The following EPS15L1 variants were observed in gnomAD, a reference collection of about 807,000 sequenced individuals.
EPS15L1 encodes the protein epidermal growth factor receptor substrate 15-like 1.
A neutral mutation model predicts 117.1 loss-of-function variants in EPS15L1; 43 were observed. The observed-to-expected ratio is 0.37, with a 90% CI of 0.29 to 0.47. The LOEUF is 0.47. Among genes scored for constraint, EPS15L1 ranks in the 20% least tolerant of loss-of-function variants. The pLI, the probability that EPS15L1 is intolerant of heterozygous loss-of-function variation, is 0.99. For missense variants in EPS15L1, 981 were observed against 1,164.0 expected (o/e 0.84, Z 2.29); for synonymous variants, 459 against 470.5 (o/e 0.98, Z 0.32).
Position 16,428,708 on chromosome 19 carries a change from G to T in EPS15L1, c.552C>A (p.Phe184Leu). ...AGGAAACAGCAGGACTTACCACAGCGAACTCATCTCGATCCAAGTGCCCAT... is the reference window on the plus strand; with the variant it reads ...AGGAAACAGCAGGACTTACCACAGCTAACTCATCTCGATCCAAGTGCCCAT... ...DKDGHLDRDE[F>L]AVAMHLVYRA... The change falls in exon 8 of 24, where the codon TTC becomes TTA. Residue 184 changes from phenylalanine (F) to leucine (L), a missense_variant. Physicochemically the swap from Phe to Leu is conservative, Grantham distance 22. Transcript: ENST00000455140. 1 of 1,611,380 alleles carries T rather than the reference G, an allele frequency of 6.2e-7. No homozygotes were observed. The highest frequency in any genetic ancestry group is 8.5e-7 in the Non-Finnish European group (1 of 1,179,130).
chr19:16,457,660 T>G (rs1454656922), intron 1 of EPS15L1, among the ~76,000 whole-genome samples: 3 of 151,880 alleles, frequency 2.0e-5, no homozygotes, highest in African/African-American at 7.3e-5. Flanking sequence ...GGGAACAGAT[T>G]CCAGCCCTCC....
chr19:16,432,384 T>C (rs2092937189), intron 7 of EPS15L1, among the ~76,000 whole-genome samples: 2 of 152,080 alleles, frequency 1.3e-5, no homozygotes, highest in African/African-American at 2.4e-5. Flanking sequence ...CTGGCTGACA[T>C]GGTGAAACCC....
At chr19:16,432,730 C>T (rs1305525586) in intron 7 of EPS15L1, among the ~76,000 whole-genome samples, 1 of 152,120 alleles carries the variant, frequency 6.6e-6, no homozygotes, top group East Asian at 1.9e-4. Flanking sequence ...GAGATCATGC[C>T]ACTGCACTCC....
chr19:16,420,749 A>G (rs2092805370), intron 10 of EPS15L1, among the ~76,000 whole-genome samples: 1 of 152,240 alleles, frequency 6.6e-6, no homozygotes, highest in African/African-American at 2.4e-5. Context: ...GCCAGTGGCA[A>G]GAGGAGTGCC....
chr19:16,408,202 G>A (rs1568425632), intron 13 of EPS15L1, among the ~76,000 whole-genome samples: 1 of 152,178 alleles, frequency 6.6e-6, no homozygotes, highest in Non-Finnish European at 1.5e-5. Context: ...AGACCCACCA[G>A]CTCGAGGTTA....
At chr19:16,382,230 G>A (rs1225853243) in intron 21 of EPS15L1, among the ~76,000 whole-genome samples, 1 of 152,212 alleles carries the variant, frequency 6.6e-6, no homozygotes, top group Non-Finnish European at 1.5e-5. Flanking sequence ...CAGTGAATCA[G>A]ATCACTCCTA....
intron 17 of EPS15L1, 44 bp downstream of exon 17, chr19:16,395,300 A>C (rs1568414745): frequency 6.3e-7 from 1 of 1,589,114 alleles, no homozygotes; most frequent in East Asian, 2.2e-5. Context: ...TTCGACATAA[A>C]ACACACAGTC....
At chr19:16,387,068 C>T (rs1164395131) in intron 19 of EPS15L1, among the ~76,000 whole-genome samples, 5 of 152,006 alleles carry the variant, frequency 3.3e-5, no homozygotes, top group African/African-American at 4.8e-5. Context: ...ACAGGGACAA[C>T]GTAAAACGGT....
At chr19:16,434,656 TG>T in intron 6 of EPS15L1, 166 bp from the exon 7 acceptor site, 1 of 695,976 alleles carries the variant, frequency 1.4e-6, no homozygotes, top group South Asian at 1.9e-5. Flanking sequence ...GTTTCCAAAG[TG>T]AACATATACC....
intron 12 of EPS15L1, 72 bp downstream of exon 12, chr19:16,417,480 A>G (rs931696651): frequency 2.9e-5 from 38 of 1,291,736 alleles, no homozygotes; most frequent in Non-Finnish European, 3.7e-5. Flanking sequence ...TGAGCCTCTG[A>G]TATTTCCGAT....
At chr19:16,409,563 C>G (rs1256851556) in intron 13 of EPS15L1, among the ~76,000 whole-genome samples, 2 of 152,204 alleles carry the variant, frequency 1.3e-5, no homozygotes, top group Non-Finnish European at 1.5e-5. Flanking sequence ...CCAGAGTGGA[C>G]TCTCAGTGGA....
In EPS15L1 at chr19:16,371,995, A is replaced by G. The variant is rs2092231590; in HGVS notation, c.2380+5127T>C. 6.6e-6 allele frequency among the ~76,000 whole-genome samples: 1 copy of G among 152,158 alleles called. No homozygotes were observed. The highest frequency in any genetic ancestry group is 1.5e-5 in the Non-Finnish European group (1 of 68,036). On this transcript the variant is annotated intron_variant, in intron 22 of 23. Transcript: ENST00000455140. The surrounding 1 kb of genome is among the most constrained non-coding windows in gnomAD (Gnocchi z 4.7). ...AAGAAACCAGTTTCTTCTGCCCAAA[A>G]CAGACACCTGCTGGTTATTTAATAC...
chr19:16,420,957 C>T (rs1170544498), intron 10 of EPS15L1, among the ~76,000 whole-genome samples: 2 of 152,244 alleles, frequency 1.3e-5, no homozygotes, highest in Admixed American at 6.5e-5. Flanking sequence ...GGCTCCAAGG[C>T]CCTGCTGCCC....
At chr19:16,462,072 A>G (rs539850967) in intron 1 of EPS15L1, among the ~76,000 whole-genome samples, 1 of 152,268 alleles carries the variant, frequency 6.6e-6, no homozygotes, top group South Asian at 2.1e-4. Context: ...TCATAGGACA[A>G]AATGGTGGCT....
intron 23 of EPS15L1, 191 bp downstream of exon 23, chr19:16,361,588 T>C (rs1259736597): frequency 3.0e-6 from 4 of 1,325,930 alleles, no homozygotes; most frequent in Non-Finnish European, 3.8e-6. Context: ...TGCGGCTCTT[T>C]TTTTTTTTAT....
In EPS15L1 at chr19:16,430,217, T is replaced by C. The variant is rs368036687; in HGVS notation, c.499-1456A>G. On this transcript the variant is annotated intron_variant, in intron 7 of 23. Transcript: ENST00000455140. Reference sequence around the variant, plus strand: ...AGCTGCCCTGCTCCCCGTGCTCGAGTGGGTCAGGGGCCCTCCCCTCCACCA... The same window carrying C: ...AGCTGCCCTGCTCCCCGTGCTCGAGCGGGTCAGGGGCCCTCCCCTCCACCA... Among the ~76,000 whole-genome samples, 21 of 152,240 alleles carry C rather than the reference T, an allele frequency of 1.4e-4. No individual in the cohort carries two copies. The East Asian group carries it at 3.3e-3, about 24-fold the overall frequency.
intron 19 of EPS15L1, among the ~76,000 whole-genome samples, chr19:16,389,758 G>C (rs2092457943): frequency 6.6e-6 from 1 of 152,100 alleles, no homozygotes; most frequent in Admixed American, 6.5e-5. Context: ...AGGGTGGGTG[G>C]ACAAATGGAC....
intron 1 of EPS15L1, among the ~76,000 whole-genome samples, chr19:16,462,599 C>T (rs895911056): frequency 1.8e-4 from 27 of 152,138 alleles, no homozygotes; most frequent in African/African-American, 4.6e-4. Flanking sequence ...GCCCAGATGG[C>T]GGAAGCTGCA....
chr19:16,410,602 T>C (rs1220358574), intron 13 of EPS15L1, among the ~76,000 whole-genome samples: 4 of 152,082 alleles, frequency 2.6e-5, no homozygotes, highest in Admixed American at 6.5e-5. Context: ...CAATGAGGGA[T>C]GGATGAGTAA....
Sources: gnomAD v4.1 joint callset for allele counts (sites outside exome capture counted in the v4.1 genomes callset) on GRCh38, gnomAD v4.1.1 for gene constraint, Gnocchi (gnomAD v3.1) non-coding constraint, MANE v1.5 for transcripts, NCBI Gene and HGNC (gene_info 2026-07-23, HGNC 2026-07-21) for gene names.